Variants in ZC3HC1 observed in about 807,000 individuals in gnomAD.
ZC3HC1 encodes the protein zinc finger C3HC-type protein 1.
In ZC3HC1, 38 loss-of-function variants were observed where a neutral mutation model predicts 61.9. The observed-to-expected ratio is 0.61, with a 90% CI of 0.47 to 0.81. The LOEUF is 0.81. Among genes scored for constraint, ZC3HC1 ranks in the 30% least tolerant of loss-of-function variants. ZC3HC1 has a pLI of 0.00. For missense variants in ZC3HC1, 554 were observed against 622.7 expected (o/e 0.89, Z 1.17); for synonymous variants, 213 against 229.9 (o/e 0.93, Z 0.67).
chr7:130,041,310 C>G (rs956287293), intron 2 of ZC3HC1, among the ~76,000 whole-genome samples: 2 of 151,976 alleles, frequency 1.3e-5, no homozygotes, highest in Non-Finnish European at 2.9e-5. Context: ...ACCTCAGCCT[C>G]CCAAGTTGCT....
intron 1 of ZC3HC1, chr7:130,050,464 TAGAG>T (rs1377585725): frequency 1.3e-6 from 2 of 1,524,806 alleles, no homozygotes; most frequent in Non-Finnish European, 1.7e-6. Flanking sequence ...CAGAGATTCA[TAGAG>T]AGCCTCAAGC....
chr7:130,051,335 G>A lies in ZC3HC1; in HGVS notation c.32C>T (p.Ala11Val). 6.2e-7 allele frequency: 1 copy of A among 1,613,090 alleles called. No homozygotes were observed. The highest frequency in any genetic ancestry group is 8.5e-7 in the Non-Finnish European group (1 of 1,179,506). MAAPCEGQAF[A>V]VGVEKNWGAV... ...ACCCCAATTCTTTTCAACCCCTACG[G>A]CAAACGCTTGTCCCTCACAGGGCGC... Residue 11 changes from alanine (A) to valine (V), a missense_variant, in exon 1 of 10, where the codon GCC (alanine) becomes GTC (valine). By Grantham distance (64) the Ala-to-Val change is moderately conservative (BLOSUM62 0). Coordinates refer to ENST00000358303, the MANE Select transcript of ZC3HC1 (RefSeq NM_016478.5).
At chr7:130,028,783 GAGAC>G (rs1257493816) in intron 5 of ZC3HC1, 115 bp downstream of exon 5, 2 of 1,362,658 alleles carry the variant, frequency 1.5e-6, no homozygotes, top group African/African-American at 1.5e-5. Context: ...GGTCAGATGA[GAGAC>G]AGACAAGCAG....
intron 4 of ZC3HC1, among the ~76,000 whole-genome samples, chr7:130,036,235 A>G (rs1400354027): frequency 2.6e-5 from 4 of 152,066 alleles, no homozygotes; most frequent in Admixed American, 6.6e-5. Context: ...AGTCAAGGTA[A>G]GGCTGGGAGT....
At chr7:130,029,360 G>C (rs1329185782) in intron 4 of ZC3HC1, among the ~76,000 whole-genome samples, 2 of 152,068 alleles carry the variant, frequency 1.3e-5, no homozygotes, top group Non-Finnish European at 2.9e-5. Context: ...GGGCAACAGA[G>C]AGAGACTCTG....
intron 4 of ZC3HC1, among the ~76,000 whole-genome samples, chr7:130,031,362 C>A (rs1224513629): frequency 6.7e-6 from 1 of 149,750 alleles, no homozygotes; most frequent in South Asian, 2.1e-4. Flanking sequence ...AACATCCCCA[C>A]AATCATGGTG....
In ZC3HC1 at chr7:130,028,163, C is replaced by CAA. The variant is rs58430072; in HGVS notation, c.621+737_621+738dup. Among the ~76,000 whole-genome samples the CAA allele has an allele frequency of 3.5e-4, 12 of 34,120 alleles. 3 individuals carry two copies. The highest frequency in any genetic ancestry group is 1.3e-3 in the African/African-American group (10 of 7,710). 22.4% of individuals were successfully genotyped at this position (34,120 alleles called of 152,430 possible). On this transcript the variant is annotated intron_variant, in intron 5 of 9. Coordinates refer to ENST00000358303, the MANE Select transcript of ZC3HC1 (RefSeq NM_016478.5). The stretch of plus-strand genomic sequence containing the variant: ...CTGGCGACAGAACAAGACTCTGTCT[C>CAA]AAAAAAAAAAAAAAAAAAAAAAAAA...
At position 130,046,866 on chromosome 7, in the gene ZC3HC1, C is replaced by T. The variant is rs377647025; in HGVS notation, c.258+2167G>A. 7.9e-5 allele frequency among the ~76,000 whole-genome samples: 12 copies of T among 152,238 alleles called. 1 individual carries two copies. The East Asian group carries it at 9.7e-4, about 12-fold the overall frequency. Reference sequence around the variant, plus strand: ...GCAGTGGCATGGTCTCGGCTCACTGCAACCTCTGCCTCCCAGGTTCAAGCA... The same window carrying T: ...GCAGTGGCATGGTCTCGGCTCACTGTAACCTCTGCCTCCCAGGTTCAAGCA... On this transcript the variant is annotated intron_variant, in intron 2 of 9. Coordinates refer to ENST00000358303, the MANE Select transcript of ZC3HC1 (RefSeq NM_016478.5).
chr7:130,020,066 C>T (rs909624465), intron 9 of ZC3HC1, among the ~76,000 whole-genome samples: 45 of 151,874 alleles, frequency 3.0e-4, no homozygotes, highest in Admixed American at 2.2e-3. Context: ...CTGCCTGCCT[C>T]GGCCTCCCAA....
intron 4 of ZC3HC1, among the ~76,000 whole-genome samples, chr7:130,031,159 G>A (rs1298419561): frequency 7.9e-5 from 12 of 151,240 alleles, no homozygotes; most frequent in African/African-American, 2.2e-4. Flanking sequence ...GAGAAACCCC[G>A]TCTCTACTAA....
intron 2 of ZC3HC1, among the ~76,000 whole-genome samples, chr7:130,048,172 C>T (rs1205191756): frequency 2.5e-5 from 3 of 121,726 alleles, no homozygotes; most frequent in African/African-American, 6.4e-5. Context: ...TTTTTTGACA[C>T]GGAGTCTTGC....
rs749682920 is a variant in ZC3HC1, at chr7:130,026,122, ATG to A, written c.776+34_776+35del. 4.4e-6 allele frequency: 7 copies of A among 1,601,760 alleles called. No homozygotes were observed. The South Asian group carries it at 7.7e-5, about 18-fold the overall frequency. On this transcript the variant is annotated intron_variant, in intron 6 of 9. Transcript: ENST00000358303. ...TATATATGGGTGTAATGCTGTTGTC[ATG>A]GTTCATGTCTCCAGGCAAAATCTGC...
intron 3 of ZC3HC1, chr7:130,039,764 T>A (rs1794572649): frequency 2.2e-6 from 1 of 445,506 alleles, no homozygotes; most frequent in Admixed American, 4.0e-5. Flanking sequence ...TTTTATTTTT[T>A]ATTTTTTTGA....
intron 4 of ZC3HC1, among the ~76,000 whole-genome samples, chr7:130,030,675 T>C (rs937136411): frequency 2.2e-5 from 3 of 134,602 alleles, no homozygotes; most frequent in Non-Finnish European, 3.3e-5. Context: ...ACTCATAATC[T>C]TTTTTTTTTT....
intron 9 of ZC3HC1, 91 bp downstream of exon 9, chr7:130,022,228 G>A: frequency 1.3e-6 from 2 of 1,497,916 alleles, no homozygotes; most frequent in East Asian, 4.5e-5. Context: ...AAAGCTGAAG[G>A]CAGGCGGGGT....
intron 1 of ZC3HC1, chr7:130,050,377 G>T: frequency 6.6e-7 from 1 of 1,519,398 alleles, no homozygotes; most frequent in South Asian, 1.2e-5. Context: ...CGCGCCCGGC[G>T]ACAGGCATTA....
intron 2 of ZC3HC1, among the ~76,000 whole-genome samples, chr7:130,046,838 A>G (rs1794885940): frequency 6.6e-6 from 1 of 152,160 alleles, no homozygotes; most frequent in African/African-American, 2.4e-5. Context: ...CCCAGGCTGC[A>G]GTGCAGTGGC....
rs1489942712 is a variant in ZC3HC1, at chr7:130,030,414, GATCT to G, written c.494-1389_494-1386del. On this transcript the variant is annotated intron_variant, in intron 4 of 9. Transcript: ENST00000358303. ...AGGGTTTCATCATGTTGGCCAGGCTGATCTTTAACTCTTGGCCTCAGGTGATCCA... is the reference window on the plus strand; with the variant it reads ...AGGGTTTCATCATGTTGGCCAGGCTGTTAACTCTTGGCCTCAGGTGATCCA... 2.6e-5 allele frequency among the ~76,000 whole-genome samples: 4 copies of G among 152,168 alleles called. No individual in the cohort carries two copies. In the East Asian group the frequency reaches 7.7e-4, roughly 29 times the overall value.
chr7:130,024,848 A>C (rs1793820093), intron 6 of ZC3HC1, among the ~76,000 whole-genome samples: 1 of 87,782 alleles, frequency 1.1e-5, no homozygotes, highest in Admixed American at 1.4e-4. Flanking sequence ...GTTCGAGACC[A>C]GCCTGACCAA....
Sources: gnomAD v4.1 joint callset for allele counts (sites outside exome capture counted in the v4.1 genomes callset) on GRCh38, gnomAD v4.1.1 for gene constraint, MANE v1.5 for transcripts, NCBI Gene and HGNC (gene_info 2026-07-23, HGNC 2026-07-21) for gene names.